FOXN3: variants seen among roughly 807,000 people sequenced by gnomAD.
FOXN3 encodes the protein forkhead box protein N3.
A neutral mutation model predicts 38.4 loss-of-function variants in FOXN3; 7 were observed. That is an observed-to-expected ratio of 0.18 (90% CI 0.10 to 0.34). FOXN3 has a LOEUF of 0.34. Among genes scored for constraint, FOXN3 ranks in the 10% least tolerant of loss-of-function variants. FOXN3 has a pLI of 1.00. For missense variants in FOXN3, 456 were observed against 613.4 expected (o/e 0.74, Z 2.71); for synonymous variants, 230 against 242.2 (o/e 0.95, Z 0.47).
At chr14:89,618,651 T>G (rs999596741) in intron 1 of FOXN3, among the ~76,000 whole-genome samples, 1 of 152,192 alleles carries the variant, frequency 6.6e-6, no homozygotes, top group African/African-American at 2.4e-5. Context: ...CCCACAGAAG[T>G]GTGCTTCCCT....
chr14:89,317,411 C>T (rs1887751910), intron 3 of FOXN3, among the ~76,000 whole-genome samples: 1 of 152,170 alleles, frequency 6.6e-6, no homozygotes, highest in African/African-American at 2.4e-5. Flanking sequence ...GTTCCTTCTA[C>T]CTCTGAGAGC....
At chr14:89,395,132 A>G (rs1367131109) in intron 2 of FOXN3, among the ~76,000 whole-genome samples, 1 of 152,216 alleles carries the variant, frequency 6.6e-6, no homozygotes, top group African/African-American at 2.4e-5. Context: ...AACACACCCT[A>G]TGGACACTGG....
intron 1 of FOXN3, among the ~76,000 whole-genome samples, chr14:89,524,691 C>T (rs576475632): frequency 6.6e-6 from 1 of 151,832 alleles, no homozygotes; most frequent in South Asian, 2.1e-4. Context: ...CCAATAAATT[C>T]AATATTTAAA....
chr14:89,325,221 CACCACCACCATCACTACCACCACCACG>C (rs139672059), intron 3 of FOXN3, among the ~76,000 whole-genome samples: 200 of 145,720 alleles, frequency 1.4e-3, no homozygotes, highest in African/African-American at 4.3e-3. Flanking sequence ...CATGCACCAC[CACCACCACCATCACTACCACCACCACG>C]ACCACCACCA....
Position 89,479,836 on chromosome 14 carries a change from G to A in FOXN3, c.-14-67346C>T, listed in dbSNP as rs749581686. Reference sequence around the variant, plus strand: ...GATTTCCATTTAATTAACTGTTTCCGGGGAGCACCTAGAGCCATTACCAAA... The same window carrying A: ...GATTTCCATTTAATTAACTGTTTCCAGGGAGCACCTAGAGCCATTACCAAA... On this transcript the variant is annotated intron_variant, in intron 1 of 6. Transcript: ENST00000345097. Among the ~76,000 whole-genome samples, 9 of 152,108 alleles carry A rather than the reference G, an allele frequency of 5.9e-5. 1 individual carries two copies. Among genetic ancestry groups the A allele is most frequent in the East Asian group, 3.9e-4 (2 of 5,188 alleles).
intron 2 of FOXN3, among the ~76,000 whole-genome samples, chr14:89,381,655 T>C (rs1395810910): frequency 2.6e-5 from 4 of 151,730 alleles, no homozygotes; most frequent in Admixed American, 1.3e-4. Flanking sequence ...GCCCAGCAGT[T>C]TGAGAACAGA....
intron 3 of FOXN3, among the ~76,000 whole-genome samples, chr14:89,321,259 C>T (rs1435873342): frequency 6.6e-6 from 1 of 151,536 alleles, no homozygotes; most frequent in Non-Finnish European, 1.5e-5. Flanking sequence ...TTACTGCCCT[C>T]CAGCCTGGGC....
chr14:89,334,853 C>T (rs941998352), intron 3 of FOXN3, among the ~76,000 whole-genome samples: 9 of 151,872 alleles, frequency 5.9e-5, no homozygotes, highest in African/African-American at 1.7e-4. Context: ...CTGCAACCTC[C>T]GCCTCGCAGG....
chr14:89,442,552 T>G (rs1471994322), intron 1 of FOXN3, among the ~76,000 whole-genome samples: 4 of 152,202 alleles, frequency 2.6e-5, no homozygotes, highest in African/African-American at 9.6e-5. Context: ...CAGCAGCTAG[T>G]AAGCCTTAGA....
chr14:89,183,615 C>G (rs996512700), intron 4 of FOXN3, among the ~76,000 whole-genome samples: 1 of 152,136 alleles, frequency 6.6e-6, no homozygotes, highest in African/African-American at 2.4e-5. Context: ...GAAGTGTCAA[C>G]TAAACTGGAG....
chr14:89,401,455 C>G (rs1270612433), intron 2 of FOXN3: 7 of 392,486 alleles, frequency 1.8e-5, no homozygotes, highest in Non-Finnish European at 3.5e-5. Flanking sequence ...AGTAGGTATT[C>G]TGCAAGACCT....
At chr14:89,439,263 G>A (rs574297493) in intron 1 of FOXN3, among the ~76,000 whole-genome samples, 6 of 152,280 alleles carry the variant, frequency 3.9e-5, no homozygotes, top group Non-Finnish European at 8.8e-5. Flanking sequence ...TCATGAATAG[G>A]AGCTGGGTAA....
chr14:89,412,752 G>A lies in FOXN3; in HGVS notation c.-14-262C>T, dbSNP rs188260563. 2.5e-4 allele frequency among the ~76,000 whole-genome samples: 38 copies of A among 152,288 alleles called. No individual in the cohort carries two copies. The highest frequency in any genetic ancestry group is 8.9e-4 in the African/African-American group (37 of 41,558). On this transcript the variant is annotated intron_variant, in intron 1 of 5. Transcript: ENST00000557258. This position sits in a 1 kb window ranked among gnomAD's most constrained non-coding sequence, Gnocchi z 4.7. ...TAAATAAAATAAGACCAGTAACACC[G>A]GCCAGGCACGGTGGCTCACGCCTGT...
intron 1 of FOXN3, among the ~76,000 whole-genome samples, chr14:89,462,716 G>T: frequency 6.7e-6 from 1 of 148,276 alleles, no homozygotes; most frequent in Non-Finnish European, 1.5e-5. Flanking sequence ...ATGGAGTCTC[G>T]CTCTGTCGCC....
chr14:89,324,443 CGTGTGTGTGTGTGTGTGTGTGT>C (rs71130053), intron 3 of FOXN3, among the ~76,000 whole-genome samples: 7 of 143,384 alleles, frequency 4.9e-5, no homozygotes, highest in African/African-American at 1.3e-4. Flanking sequence ...TAAGTGTGTG[CGTGTGTGTGTGTGTGTGTGTGT>C]GTGTGTGTGT....
chr14:89,196,792 G>A (rs374258178), intron 4 of FOXN3, among the ~76,000 whole-genome samples: 3 of 152,142 alleles, frequency 2.0e-5, no homozygotes, highest in African/African-American at 4.8e-5. Context: ...TGTTCATTCC[G>A]CTTCCTCTGG....
At chr14:89,363,962 A>AT (rs1198061049) in intron 2 of FOXN3, among the ~76,000 whole-genome samples, 6 of 15,060 alleles carry the variant, frequency 4.0e-4, no homozygotes, top group African/African-American at 9.5e-4. Flanking sequence ...ATATATATAT[A>AT]TATATATATA....
chr14:89,252,062 T>G (rs146584098), intron 4 of FOXN3, among the ~76,000 whole-genome samples: 19 of 152,268 alleles, frequency 1.2e-4, no homozygotes, highest in African/African-American at 4.6e-4. Flanking sequence ...TAGGTGCCAC[T>G]TTTACACTTG....
At position 89,242,376 on chromosome 14, in the gene FOXN3, G is replaced by T. The variant is rs546648516; in HGVS notation, c.745+38574C>A. Among the ~76,000 whole-genome samples the T allele has an allele frequency of 2.0e-3, 302 of 152,038 alleles. 1 individual carries two copies. Among genetic ancestry groups the T allele is most frequent in the African/African-American group, 6.8e-3 (282 of 41,496 alleles). ...TTTCTGTTACTTGCAACCAAAAGAAGCCTAAAATATTCTGATTCCTATCTG... is the reference window on the plus strand; with the variant it reads ...TTTCTGTTACTTGCAACCAAAAGAATCCTAAAATATTCTGATTCCTATCTG... On this transcript the variant is annotated intron_variant, in intron 4 of 5. Transcript: ENST00000557258.
Sources: allele counts gnomAD v4.1 joint callset (sites outside exome capture counted in the v4.1 genomes callset), GRCh38; gene constraint gnomAD v4.1.1; non-coding constraint Gnocchi (gnomAD v3.1); transcripts MANE v1.5; gene names NCBI Gene and HGNC (gene_info 2026-07-23, HGNC 2026-07-21).